Variants in UNC5C observed in about 807,000 individuals in gnomAD.
The protein encoded by UNC5C is netrin receptor UNC5C.
In UNC5C, 47 loss-of-function variants were observed where a neutral mutation model predicts 99.8. That is an observed-to-expected ratio of 0.47 (90% CI 0.37 to 0.60). UNC5C has a LOEUF of 0.60. UNC5C is among the 20% of genes least tolerant of loss of function. The pLI, the probability that UNC5C is intolerant of heterozygous loss-of-function variation, is 0.00. For missense variants in UNC5C, 1,062 were observed against 1,165.9 expected (o/e 0.91, Z 1.30); for synonymous variants, 487 against 452.2 (o/e 1.08, Z -0.98).
chr4:95,424,513 C>CTTTTTTTTTTTT (rs1746409640), intron 1 of UNC5C, among the ~76,000 whole-genome samples: 3 of 85,024 alleles, frequency 3.5e-5, no homozygotes, highest in South Asian at 9.5e-4. Flanking sequence ...TTTTTTTTTT[C>CTTTTTTTTTTTT]TTTTCTTTTT....
chr4:95,322,937 C>CAA (rs34082198), intron 2 of UNC5C, among the ~76,000 whole-genome samples: 4 of 89,762 alleles, frequency 4.5e-5, no homozygotes, highest in South Asian at 3.6e-4. Flanking sequence ...GATTCTGTCT[C>CAA]AAAAAAAAAA....
intron 1 of UNC5C, among the ~76,000 whole-genome samples, chr4:95,381,870 T>G (rs961977831): frequency 6.6e-6 from 1 of 152,116 alleles, no homozygotes; most frequent in Non-Finnish European, 1.5e-5. Context: ...AGTTTAATAG[T>G]GATTGGTTAT....
chr4:95,339,284 A>T (rs1743466235), intron 1 of UNC5C, among the ~76,000 whole-genome samples: 1 of 152,006 alleles, frequency 6.6e-6, no homozygotes, highest in Non-Finnish European at 1.5e-5. Flanking sequence ...GTGCCCATCA[A>T]AGGTCCTCTG....
chr4:95,433,237 T>G (rs1746681901), intron 1 of UNC5C, among the ~76,000 whole-genome samples: 1 of 152,098 alleles, frequency 6.6e-6, no homozygotes, highest in Non-Finnish European at 1.5e-5. Context: ...TGCAAATAAT[T>G]TAAAATGATT....
intron 12 of UNC5C, among the ~76,000 whole-genome samples, chr4:95,193,247 A>G (rs892352176): frequency 6.6e-6 from 1 of 152,208 alleles, no homozygotes; most frequent in Non-Finnish European, 1.5e-5. Flanking sequence ...TACTGAGGGA[A>G]AGTCGCTGAG....
intron 1 of UNC5C, among the ~76,000 whole-genome samples, chr4:95,545,473 G>C (rs1329708920): frequency 2.6e-5 from 4 of 151,890 alleles, no homozygotes; most frequent in African/African-American, 9.7e-5. Context: ...CTTCACTGTT[G>C]ACTGTCTATT....
At chr4:95,245,558 C>A (rs1739473161) in intron 5 of UNC5C, among the ~76,000 whole-genome samples, 1 of 151,964 alleles carries the variant, frequency 6.6e-6, no homozygotes, top group African/African-American at 2.4e-5. Flanking sequence ...AATAATTTAG[C>A]CTTAAAAAAA....
intron 1 of UNC5C, among the ~76,000 whole-genome samples, chr4:95,340,269 T>A (rs1189588308): frequency 6.6e-6 from 1 of 152,246 alleles, no homozygotes; most frequent in South Asian, 2.1e-4. Flanking sequence ...ACTTAAACTA[T>A]TATTGCTTAT....
intron 4 of UNC5C, among the ~76,000 whole-genome samples, chr4:95,266,134 A>C (rs1740439735): frequency 6.6e-6 from 1 of 152,234 alleles, no homozygotes; most frequent in African/African-American, 2.4e-5. Flanking sequence ...TCTGACTTTC[A>C]ATTTACCACT....
At chr4:95,275,586 A>C (rs1168685913) in intron 4 of UNC5C, among the ~76,000 whole-genome samples, 1 of 152,216 alleles carries the variant, frequency 6.6e-6, no homozygotes, top group African/African-American at 2.4e-5. Flanking sequence ...GGTGGAGACT[A>C]TAGGATGCCA....
At chr4:95,465,127 G>A (rs879659866) in intron 1 of UNC5C, among the ~76,000 whole-genome samples, 15 of 152,094 alleles carry the variant, frequency 9.9e-5, no homozygotes, top group African/African-American at 3.1e-4. Context: ...AATGAATACC[G>A]TATGGGTCAC....
chr4:95,414,204 C>T (rs1422095590), intron 1 of UNC5C, among the ~76,000 whole-genome samples: 5 of 151,456 alleles, frequency 3.3e-5, no homozygotes, highest in Admixed American at 2.6e-4. Context: ...TTTCCTTCCC[C>T]TTTTCCCCAC....
At position 95,359,236 on chromosome 4, in the gene UNC5C, T is replaced by C. The variant is rs904361643; in HGVS notation, c.125-23605A>G. ...TGCCATGGCTTAAGTATTTTCACTG[T>C]TGAGATAAAATAAAAACTTGCCAAG... is the stretch of plus-strand genomic sequence containing the variant. On this transcript the variant is annotated intron_variant, in intron 1 of 15. Transcript: ENST00000453304. 4.6e-5 allele frequency among the ~76,000 whole-genome samples: 7 copies of C among 152,290 alleles called. No individual in the cohort carries two copies. The South Asian group carries it at 8.3e-4, about 18-fold the overall frequency.
chr4:95,194,001 G>A (rs144146348), intron 12 of UNC5C, among the ~76,000 whole-genome samples: 2,145 of 152,264 alleles, frequency 0.014, 28 homozygotes, highest in Middle Eastern at 0.041. Flanking sequence ...AACAAGGCTG[G>A]ACTCTGGTGC....
chr4:95,523,896 T>C (rs944557830), intron 1 of UNC5C, among the ~76,000 whole-genome samples: 1 of 152,180 alleles, frequency 6.6e-6, no homozygotes, highest in Non-Finnish European at 1.5e-5. Flanking sequence ...AAATAATTTA[T>C]TGATTTTTTT....
chr4:95,482,797 G>A (rs1280647713), intron 1 of UNC5C, among the ~76,000 whole-genome samples: 1 of 124,556 alleles, frequency 8.0e-6, no homozygotes, highest in African/African-American at 3.3e-5. Context: ...CTCATAGATG[G>A]GAATTGAACA....
chr4:95,308,963 C>T (rs56694273), intron 2 of UNC5C, among the ~76,000 whole-genome samples: 2,265 of 152,044 alleles, frequency 0.015, 55 homozygotes, highest in African/African-American at 0.051. Flanking sequence ...ACAAAAGACC[C>T]TGAATAGCTA....
At chr4:95,467,013 C>A (rs943486153) in intron 1 of UNC5C, among the ~76,000 whole-genome samples, 1 of 152,116 alleles carries the variant, frequency 6.6e-6, no homozygotes, top group Non-Finnish European at 1.5e-5. Context: ...AGCCAGCTGT[C>A]ATGTAATGAT....
intron 1 of UNC5C, among the ~76,000 whole-genome samples, chr4:95,352,819 A>G (rs1442379600): frequency 6.6e-6 from 1 of 152,110 alleles, no homozygotes; most frequent in African/African-American, 2.4e-5. Context: ...TTTTATTTGA[A>G]TTGTTACAAG....
Sources: allele counts gnomAD v4.1 joint callset (sites outside exome capture counted in the v4.1 genomes callset), GRCh38; gene constraint gnomAD v4.1.1; transcripts MANE v1.5; gene names NCBI Gene and HGNC (gene_info 2026-07-23, HGNC 2026-07-21).